TNKS2: variants seen among roughly 807,000 people sequenced by gnomAD.
TNKS2 encodes tankyrase 2, also known as poly [ADP-ribose] polymerase tankyrase-2.
A neutral mutation model predicts 137.6 loss-of-function variants in TNKS2; 72 were observed. The ratio of observed to expected loss-of-function variants is 0.52; its 90% confidence interval spans 0.43 to 0.64. The LOEUF is 0.64. Among genes scored for constraint, TNKS2 ranks in the 30% least tolerant of loss-of-function variants. The pLI is 0.00. For missense variants in TNKS2, 1,049 were observed against 1,410.2 expected (o/e 0.74, Z 4.10); for synonymous variants, 516 against 512.1 (o/e 1.01, Z -0.10).
chr10:91,845,798 A>G lies in TNKS2; in HGVS notation c.2216A>G (p.Asn739Ser), dbSNP rs1196205254. The change falls in exon 18 of 27, where the codon AAT becomes AGT. Residue 739 changes from asparagine to serine, a missense_variant. Coordinates refer to ENST00000371627, the MANE Select transcript of TNKS2 (RefSeq NM_025235.4). ...ALLIKYNACV[N>S]ATDKWAFTPL... ...CTAATAAAGTATAATGCATGTGTCA[A>G]TGCCACGGACAAATGGGCTTTCACA... 3 of 1,603,094 alleles carry G rather than the reference A, an allele frequency of 1.9e-6. No homozygotes were observed. The highest frequency in any genetic ancestry group is 2.6e-6 in the Non-Finnish European group (3 of 1,172,060).
At chr10:91,821,616 G>A (rs1341106610) in intron 6 of TNKS2, among the ~76,000 whole-genome samples, 3 of 152,108 alleles carry the variant, frequency 2.0e-5, no homozygotes, top group Non-Finnish European at 2.9e-5. Context: ...AAGTTTCACC[G>A]TATCTTCCCA....
intron 1 of TNKS2, among the ~76,000 whole-genome samples, chr10:91,806,622 T>C (rs1469983704): frequency 6.6e-6 from 1 of 152,152 alleles, no homozygotes; most frequent in African/African-American, 2.4e-5. Context: ...AAAGCATACT[T>C]GTTAGTCACA....
At chr10:91,862,269 T>C (rs1032975589) in intron 26 of TNKS2, 114 bp downstream of exon 26, 1 of 817,230 alleles carries the variant, frequency 1.2e-6, no homozygotes, top group Non-Finnish European at 1.7e-6. Flanking sequence ...TTTAAAAATT[T>C]TATTTGGAGA....
At chr10:91,846,996 A>G (rs552341535) in intron 18 of TNKS2, among the ~76,000 whole-genome samples, 1 of 152,226 alleles carries the variant, frequency 6.6e-6, no homozygotes, top group East Asian at 1.9e-4. Context: ...TAACCTCTAA[A>G]CCTTAGTTAC....
intron 1 of TNKS2, among the ~76,000 whole-genome samples, chr10:91,806,495 A>G (rs558761806): frequency 7.2e-4 from 110 of 152,220 alleles, no homozygotes; most frequent in Middle Eastern, 3.4e-3. Context: ...CATTCCATTC[A>G]TACACTCAAA....
At chr10:91,807,239 A>T in intron 1 of TNKS2, 1 of 1,606,828 alleles carries the variant, frequency 6.2e-7, no homozygotes, top group Non-Finnish European at 8.5e-7. Flanking sequence ...GCATTAGTTG[A>T]CTGTGGAATT....
chr10:91,813,534 A>G (rs919509146), intron 2 of TNKS2, among the ~76,000 whole-genome samples: 6 of 152,224 alleles, frequency 3.9e-5, no homozygotes, highest in African/African-American at 1.4e-4. Flanking sequence ...GGATCAAGTC[A>G]AGGCCCTACT....
intron 1 of TNKS2, among the ~76,000 whole-genome samples, chr10:91,812,297 G>A (rs1335404630): frequency 6.6e-6 from 1 of 151,868 alleles, no homozygotes; most frequent in Non-Finnish European, 1.5e-5. Flanking sequence ...GACTTTTTTT[G>A]TTTTATTTGA....
In TNKS2 at chr10:91,865,390, T is replaced by G. The variant is rs1189175704; in HGVS notation, c.*2391T>G. 1.3e-5 allele frequency: 2 copies of G among 152,524 alleles called. No homozygotes were observed. The highest frequency in any genetic ancestry group is 2.9e-5 in the Non-Finnish European group (2 of 68,012). 9.4% of individuals were successfully genotyped at this position (152,524 alleles called of 1,614,324 possible). ...TGCAGGAAAACAATGTAGTTCTGAG[T>G]CTAATAGTGATAAAGAATGCAGTTT... On this transcript the variant is annotated 3_prime_UTR_variant, in exon 27 of 27. Transcript: ENST00000371627.
chr10:91,857,135 G>A lies in TNKS2; in HGVS notation c.2989-290G>A, dbSNP rs1842729484. 6.6e-5 allele frequency among the ~76,000 whole-genome samples: 10 copies of A among 152,242 alleles called. No homozygotes were observed. In the South Asian group the frequency reaches 2.1e-3, roughly 32 times the overall value. The stretch of plus-strand genomic sequence containing the variant: ...GCATGTCTGATTTGGAGGTGTTTTT[G>A]TAATAGTTTTAAGTTAATGAGAATG... On this transcript the variant is annotated intron_variant, in intron 23 of 26. Transcript: ENST00000371627.
chr10:91,835,588 C>CT, intron 12 of TNKS2, among the ~76,000 whole-genome samples: 1 of 91,216 alleles, frequency 1.1e-5, no homozygotes, highest in Non-Finnish European at 2.0e-5. Flanking sequence ...CATGCCCGGC[C>CT]TTTCTTTTTT....
At chr10:91,811,415 C>T (rs1290456830) in intron 1 of TNKS2, among the ~76,000 whole-genome samples, 2 of 151,964 alleles carry the variant, frequency 1.3e-5, no homozygotes, top group African/African-American at 2.4e-5. Flanking sequence ...CTTTTCCGTT[C>T]TCTGCTTTCC....
intron 23 of TNKS2, among the ~76,000 whole-genome samples, chr10:91,856,617 TC>T (rs1379622398): frequency 2.0e-5 from 3 of 152,254 alleles, no homozygotes; most frequent in Non-Finnish European, 4.4e-5. Context: ...GATACAGTTT[TC>T]TTCCTCTAAT....
At chr10:91,846,540 C>CT (rs752117861) in intron 18 of TNKS2, among the ~76,000 whole-genome samples, 5 of 152,182 alleles carry the variant, frequency 3.3e-5, no homozygotes, top group Non-Finnish European at 7.3e-5. Flanking sequence ...GCTTTGGGCA[C>CT]TGAAGCAGAT....
intron 25 of TNKS2, 147 bp downstream of exon 25, chr10:91,859,795 T>A (rs1753722182): frequency 1.8e-6 from 1 of 568,918 alleles, no homozygotes; most frequent in Admixed American, 3.5e-5. Flanking sequence ...CCAATTGTAA[T>A]AATAGCTAAT....
intron 24 of TNKS2, 24 bp from the exon 25 acceptor site, chr10:91,859,438 G>A (rs1451906655): frequency 3.5e-6 from 5 of 1,439,598 alleles, no homozygotes; most frequent in Non-Finnish European, 4.6e-6. Flanking sequence ...TTAAATTATT[G>A]TTACCCATCT....
At chr10:91,799,021 T>G (rs773590874) in intron 1 of TNKS2, 132 bp downstream of exon 1, 6 of 1,231,090 alleles carry the variant, frequency 4.9e-6, no homozygotes, top group Non-Finnish European at 6.1e-6. Flanking sequence ...TCTCGCTCTC[T>G]TCCAGTGGGG....
intron 2 of TNKS2, among the ~76,000 whole-genome samples, chr10:91,814,420 A>G (rs1380196651): frequency 6.6e-6 from 1 of 152,222 alleles, no homozygotes; most frequent in East Asian, 1.9e-4. Flanking sequence ...ACAGTAAGCT[A>G]AAGTTAATTA....
rs760122255 is a variant in TNKS2 at position 91,848,465 on chromosome 10, G to A, written c.2441G>A (p.Gly814Asp). 11 of 1,614,166 alleles carry A rather than the reference G, an allele frequency of 6.8e-6. No homozygotes were observed. Among genetic ancestry groups the A allele is most frequent in the South Asian group, 1.1e-5 (1 of 91,092 alleles). ...PSCYKPQVLNGVRSPGATADA... is the reference protein window; with the variant it reads ...PSCYKPQVLNDVRSPGATADA... ...TGTTACAAGCCTCAAGTGCTCAATG[G>A]TGTGAGAAGCCCAGGAGCCACTGCA... The change falls in exon 19 of 27, where the codon GGT becomes GAT. Residue 814 changes from glycine (G) to aspartate (D), a missense_variant. Transcript: ENST00000371627.
Sources: allele counts gnomAD v4.1 joint callset (sites outside exome capture counted in the v4.1 genomes callset), GRCh38; gene constraint gnomAD v4.1.1; transcripts MANE v1.5; gene names NCBI Gene and HGNC (gene_info 2026-07-23, HGNC 2026-07-21).